Variants in GNAL observed in about 807,000 individuals in gnomAD.
The protein encoded by GNAL is guanine nucleotide-binding protein G(olf) subunit alpha.
GNAL carries 18 observed loss-of-function variants against 55.1 expected under a neutral mutation model. The ratio of observed to expected loss-of-function variants is 0.33; its 90% CI spans 0.23 to 0.48. GNAL has a LOEUF of 0.48. GNAL is among the 20% of genes least tolerant of loss of function. The probability of loss-of-function intolerance (pLI) is 0.99; values close to 1 mark genes in which losing one functional copy is unlikely to be tolerated. For synonymous variants in GNAL, 253 were observed against 237.0 expected (o/e 1.07, Z -0.62); for missense variants, 412 against 614.1 (o/e 0.67, Z 3.48).
chr18:11,816,832 A>T (rs75414488), intron 4 of GNAL, among the ~76,000 whole-genome samples: 1 of 145,532 alleles, frequency 6.9e-6, no homozygotes, highest in African/African-American at 2.5e-5. Context: ...AAAAAAAAAA[A>T]GGAACAAACT....
At position 11,790,651 on chromosome 18, in the gene GNAL, C is replaced by CTTTTTTTTTTTTTTTTT. The variant is rs1232488173; in HGVS notation, c.625-34258_625-34257insTTTTTTTTTTTTTTTTT. ...GATGGTTTTTCTTTTCTTTTCTTTT[C>CTTTTTTTTTTTTTTTTT]TTTTTTTTTCTTTTTTTTTTTTTTT... On this transcript the variant is annotated intron_variant, in intron 4 of 11. Coordinates refer to ENST00000334049, the MANE Select transcript of GNAL (RefSeq NM_182978.4). Among the ~76,000 whole-genome samples the CTTTTTTTTTTTTTTTTT allele has an allele frequency of 2.2e-4, 18 of 83,356 alleles. 1 individual carries two copies. The highest frequency in any genetic ancestry group is 7.0e-4 in the African/African-American group (13 of 18,644). 54.7% of individuals were successfully genotyped at this position (83,356 alleles called of 152,430 possible). A position where few individuals can be genotyped will look rare whatever the true frequency, so the allele number is the denominator to read the frequency against.
At chr18:11,745,150 C>T (rs1057502399) in intron 1 of GNAL, among the ~76,000 whole-genome samples, 2 of 152,084 alleles carry the variant, frequency 1.3e-5, no homozygotes, top group Non-Finnish European at 2.9e-5. Context: ...ATGTATCCAC[C>T]GTCTTGTGCT....
intron 5 of GNAL, chr18:11,854,056 CT>C (rs1157860645): frequency 1.3e-4 from 22 of 166,938 alleles, no homozygotes; most frequent in African/African-American, 5.1e-4. Context: ...AACTCCTGAC[CT>C]CAGGTGATCC....
chr18:11,808,525 A>G (rs961786323), intron 4 of GNAL, among the ~76,000 whole-genome samples: 1 of 152,232 alleles, frequency 6.6e-6, no homozygotes, highest in Non-Finnish European at 1.5e-5. Flanking sequence ...AGAGTTTTTA[A>G]TGAAGTTATT....
chr18:11,810,583 C>G (rs1422267328), intron 4 of GNAL: 1 of 152,266 alleles, frequency 6.6e-6, no homozygotes, highest in Non-Finnish European at 1.5e-5. Flanking sequence ...GAAAACTCAG[C>G]CCGGAGCCTG....
At chr18:11,756,180 C>T (rs929490210) in intron 4 of GNAL, among the ~76,000 whole-genome samples, 16 of 152,170 alleles carry the variant, frequency 1.1e-4, no homozygotes, top group Non-Finnish European at 5.9e-5. Context: ...CAATTGGTAA[C>T]TCCCACCTAT....
In GNAL at chr18:11,711,207, C is replaced by T. The variant is rs541912494; in HGVS notation, c.376+21268C>T. Among the ~76,000 whole-genome samples, 8 of 152,274 alleles carry T rather than the reference C, an allele frequency of 5.3e-5. No homozygotes were observed. The East Asian group carries it at 7.7e-4, about 15-fold the overall frequency. On this transcript the variant is annotated intron_variant, in intron 1 of 11. Coordinates refer to ENST00000334049, the MANE Select transcript of GNAL (RefSeq NM_182978.4). ...TGAACTACTTTGGCTTTATCCTGTT[C>T]GTGATTCATTGAGCTTCATGAATCC... is the stretch of plus-strand genomic sequence containing the variant.
chr18:11,756,588 T>C (rs1193021582), intron 4 of GNAL, among the ~76,000 whole-genome samples: 1 of 152,030 alleles, frequency 6.6e-6, no homozygotes, highest in East Asian at 1.9e-4. Flanking sequence ...AATCAGGAAA[T>C]TAATGTTAAA....
intron 1 of GNAL, among the ~76,000 whole-genome samples, chr18:11,691,385 G>A (rs966984515): frequency 2.7e-4 from 41 of 151,504 alleles, no homozygotes; most frequent in African/African-American, 8.3e-4. Context: ...AGTAGGTTGC[G>A]AAAATTTTCT....
At position 11,785,580 on chromosome 18, in the gene GNAL, C is replaced by T. The variant is rs555689469; in HGVS notation, c.624+31635C>T. Among the ~76,000 whole-genome samples the T allele has an allele frequency of 3.9e-5, 6 of 152,348 alleles. No homozygotes were observed. In the East Asian group the frequency reaches 7.7e-4, roughly 20 times the overall value. ...GAACCATGGTCCCTGGACAGCACTC[C>T]ATCCAGCCTTTCAGAGTTTTGTTTT... On this transcript the variant is annotated intron_variant, in intron 4 of 11. Coordinates refer to ENST00000334049, the MANE Select transcript of GNAL (RefSeq NM_182978.4).
chr18:11,862,105 C>A (rs2036159087), intron 5 of GNAL, among the ~76,000 whole-genome samples: 1 of 151,994 alleles, frequency 6.6e-6, no homozygotes, highest in Non-Finnish European at 1.5e-5. Context: ...CATGCTCTCT[C>A]CCAGTTTCTG....
At position 11,882,178 on chromosome 18, in the gene GNAL, G is replaced by A. The variant is rs2036710809; in HGVS notation, c.*1043G>A. On this transcript the variant is annotated 3_prime_UTR_variant, in exon 12 of 12. Transcript: ENST00000334049. ...CAACCACCTGCTGTTACTTCTCTGA[G>A]CTGTAAAAACCTGAACTCAATTCAG... 6.6e-6 allele frequency: 1 copy of A among 152,196 alleles called. No homozygotes were observed. The highest frequency in any genetic ancestry group is 6.5e-5 in the Admixed American group (1 of 15,274). 9.4% of individuals were successfully genotyped at this position (152,196 alleles called of 1,614,324 possible). A position where few individuals can be genotyped will look rare whatever the true frequency, so the allele number is the denominator to read the frequency against.
At chr18:11,699,249 C>T (rs934852199) in intron 1 of GNAL, among the ~76,000 whole-genome samples, 3 of 152,016 alleles carry the variant, frequency 2.0e-5, no homozygotes, top group African/African-American at 7.2e-5. Context: ...TAGGCTGGAG[C>T]AGTAGTACCA....
chr18:11,734,546 A>G (rs986160432), intron 1 of GNAL, among the ~76,000 whole-genome samples: 4 of 151,774 alleles, frequency 2.6e-5, no homozygotes, highest in Non-Finnish European at 5.9e-5. Flanking sequence ...CTTAAATGAT[A>G]TGTCCTTGGA....
At chr18:11,780,868 A>G (rs1056664320) in intron 4 of GNAL, among the ~76,000 whole-genome samples, 26 of 152,216 alleles carry the variant, frequency 1.7e-4, no homozygotes, top group African/African-American at 6.3e-4. Flanking sequence ...AGCCAGAAAC[A>G]CAGAAGACTT....
Position 11,876,621 on chromosome 18 carries a change from C to T in GNAL, c.1163C>T (p.Ala388Val). The change falls in exon 11 of 12, where the codon GCA becomes GTA. Residue 388 changes from alanine to valine, a missense_variant and splice_region_variant. Around this residue, in one of 5 missense-constraint regions of GNAL, gnomAD observed 79 missense variants for 127.1 expected, o/e 0.62. Coordinates refer to ENST00000334049, the MANE Select transcript of GNAL (RefSeq NM_182978.4). Reference sequence around the variant, plus strand: ...AAAGTTCCATTTGTCATTTCTACAGCAACACCAGATGCAGGAGAAGATCCC... The same window carrying T: ...AAAGTTCCATTTGTCATTTCTACAGTAACACCAGATGCAGGAGAAGATCCC... The part of the protein sequence containing the change: ...EYANYTVPED[A>V]TPDAGEDPKV... The T allele has an allele frequency of 6.3e-7, 1 of 1,578,212 alleles. No individual in the cohort carries two copies. Among genetic ancestry groups the T allele is most frequent in the Non-Finnish European group, 8.7e-7 (1 of 1,147,180 alleles).
intron 4 of GNAL, among the ~76,000 whole-genome samples, chr18:11,768,830 C>A (rs1457478935): frequency 7.6e-6 from 1 of 131,844 alleles, no homozygotes; most frequent in African/African-American, 2.8e-5. Context: ...GGAGGCGGAG[C>A]TTGCAGTGAG....
At chr18:11,787,887 A>AG (rs1465107496) in intron 4 of GNAL, among the ~76,000 whole-genome samples, 1 of 151,662 alleles carries the variant, frequency 6.6e-6, no homozygotes, top group Non-Finnish European at 1.5e-5. Context: ...AAAAAAAAAA[A>AG]GGAAATATCT....
chr18:11,875,239 G>A (rs576024974), intron 10 of GNAL, among the ~76,000 whole-genome samples: 3 of 152,300 alleles, frequency 2.0e-5, no homozygotes, highest in African/African-American at 4.8e-5. Context: ...CAGCTCCTGT[G>A]CCTGGAGGCT....
Sources: gnomAD v4.1 joint callset for allele counts (sites outside exome capture counted in the v4.1 genomes callset) on GRCh38, gnomAD v4.1.1 for gene constraint, gnomAD v4.1.1 regional missense constraint, MANE v1.5 for transcripts, NCBI Gene and HGNC (gene_info 2026-07-23, HGNC 2026-07-21) for gene names.